The following ANKRD60 variants were observed in gnomAD, a reference collection of about 807,000 sequenced individuals.
The protein encoded by ANKRD60 is ankyrin repeat domain 60, also known as ankyrin repeat domain-containing protein 60.
Under a neutral mutation model 21.3 loss-of-function variants are expected in ANKRD60, and 24 were observed. The observed-to-expected ratio is 1.13, with a 90% CI of 0.82 to 1.59. The LOEUF (loss-of-function observed/expected upper bound fraction) is 1.59. ANKRD60 is among the 40% of genes most tolerant of loss of function. The probability of loss-of-function intolerance (pLI) is 0.00; values close to 1 mark genes in which losing one functional copy is unlikely to be tolerated. For synonymous variants in ANKRD60, 182 were observed against 199.4 expected (o/e 0.91, Z 0.74); for missense variants, 490 against 466.7 (o/e 1.05, Z -0.46).
At chr20:58,221,252 A>C (rs1288312208) in intron 3 of ANKRD60, 86 bp downstream of exon 3, 5 of 1,391,906 alleles carry the variant, frequency 3.6e-6, no homozygotes, top group Admixed American at 4.8e-5. Context: ...CCACTGCTGG[A>C]AGGACTGGGA....
At chr20:58,221,469 T>G in exon 3 of ANKRD60, 1 of 1,551,928 alleles carries the variant, frequency 6.4e-7, no homozygotes, top group Non-Finnish European at 8.7e-7. Flanking sequence ...TGCGGTTCGG[T>G]AGAAGGAATC....
downstream of ANKRD60, among the ~76,000 whole-genome samples, chr20:58,216,679 C>T (rs1265183805): frequency 6.6e-6 from 1 of 152,226 alleles, no homozygotes; most frequent in African/African-American, 2.4e-5. Flanking sequence ...GAGTGTAAAA[C>T]CACATCATCA....
At chr20:58,224,606 A>C (rs1303698074) in intron 1 of ANKRD60, among the ~76,000 whole-genome samples, 1 of 152,236 alleles carries the variant, frequency 6.6e-6, no homozygotes, top group Non-Finnish European at 1.5e-5. Context: ...AGGATGGTAG[A>C]TGTCAAGAGG....
chr20:58,223,166 G>C (rs1364062468), exon 2 of ANKRD60: 2 of 1,546,650 alleles, frequency 1.3e-6, no homozygotes, highest in Non-Finnish European at 1.7e-6. Flanking sequence ...TCAGGGTAGT[G>C]TCATCCATCA....
chr20:58,218,396 C>A (rs376374650), downstream of ANKRD60: 11 of 1,178,256 alleles, frequency 9.3e-6, no homozygotes, highest in East Asian at 2.1e-4. Flanking sequence ...GGTTAATTGC[C>A]CTGTTTTCCT....
At chr20:58,218,845 AG>A (rs1411276863) in intron 3 of ANKRD60, 40 bp from the exon 4 acceptor site, 1 of 1,489,986 alleles carries the variant, frequency 6.7e-7, no homozygotes, top group South Asian at 1.3e-5. Flanking sequence ...AGACATGCGG[AG>A]GGGGAACACA....
chr20:58,223,190 G>C lies in ANKRD60; in HGVS notation c.431-8C>G. On this transcript the variant is annotated splice_region_variant and splice_polypyrimidine_tract_variant and intron_variant, in intron 1 of 3. Transcript: ENST00000457363. ...TGTCATCCATCAAAACTCCTGCAGG[G>C]AAAAATTTTTTTTCTTTTAAAAAAT... 1.3e-6 allele frequency: 2 copies of C among 1,529,670 alleles called. No individual in the cohort carries two copies. Among genetic ancestry groups the C allele is most frequent in the Non-Finnish European group, 1.8e-6 (2 of 1,139,020 alleles). The allele number at this position is 1,529,670 out of a possible 1,614,324, so 94.8% of individuals were successfully genotyped here.
At chr20:58,221,297 A>G in intron 3 of ANKRD60, 41 bp downstream of exon 3, 1 of 1,536,052 alleles carries the variant, frequency 6.5e-7, no homozygotes, top group African/African-American at 1.4e-5. Flanking sequence ...CCTGCAAAAA[A>G]TCCCAACTCA....
Position 58,228,347 on chromosome 20 carries a change from TCTC to T in ANKRD60, c.304_306del (p.Glu102del). 6.4e-7 allele frequency: 1 copy of T among 1,550,556 alleles called. No homozygotes were observed. The highest frequency in any genetic ancestry group is 8.7e-7 in the Non-Finnish European group (1 of 1,146,868). On this transcript the variant is annotated inframe_deletion, in exon 1 of 4. Transcript: ENST00000457363. The surrounding 1 kb of genome is among the most constrained non-coding windows in gnomAD (Gnocchi z 5.3). ...TTTGCCACTCGGAACATCTCCCCCG[TCTC>T]CTCCAGCCGCACCCGCAGGACGAAG...
chr20:58,225,697 G>T (rs1483537151), intron 1 of ANKRD60, among the ~76,000 whole-genome samples: 2 of 152,170 alleles, frequency 1.3e-5, no homozygotes, highest in Admixed American at 6.5e-5. Context: ...TGTCTCCATC[G>T]CTCCCCAGCC....
Position 58,228,478 on chromosome 20 carries a change from C to T in ANKRD60, c.176G>A (p.Arg59Gln). 6.6e-7 allele frequency: 1 copy of T among 1,509,324 alleles called. No individual in the cohort carries two copies. The allele number at this position is 1,509,324 out of a possible 1,614,324, so 93.5% of individuals were successfully genotyped here. ...GGCCAGGGGCTGCGCGGGGAGGGCCCGCGAGTCCGCCGAGCCCACCCTGGG... is the reference window on the plus strand; with the variant it reads ...GGCCAGGGGCTGCGCGGGGAGGGCCTGCGAGTCCGCCGAGCCCACCCTGGG... The change falls in exon 1 of 4, where the codon CGG becomes CAG. Residue 59 changes from arginine (R) to glutamine (Q), a missense_variant. Physicochemically the swap from Arg to Gln is conservative, Grantham distance 43. Coordinates refer to ENST00000457363, the Ensembl canonical transcript of ANKRD60. The surrounding 1 kb of genome is among the most constrained non-coding windows in gnomAD (Gnocchi z 5.3).
Position 58,228,383 on chromosome 20 carries a change from G to C in ANKRD60, c.271C>G (p.Pro91Ala). The C allele has an allele frequency of 6.5e-7, 1 of 1,548,160 alleles. No homozygotes were observed. Among genetic ancestry groups the C allele is most frequent in the Non-Finnish European group, 8.7e-7 (1 of 1,146,798 alleles). Residue 91 changes from proline (P) to alanine (A), a missense_variant, in exon 1 of 4, where the codon CCT becomes GCT. Physicochemically the swap from Pro to Ala is conservative, Grantham distance 27 (BLOSUM62 -1). Coordinates refer to ENST00000457363, the Ensembl canonical transcript of ANKRD60. This position sits in a 1 kb window ranked among gnomAD's most constrained non-coding sequence, Gnocchi z 5.3. The stretch of plus-strand genomic sequence containing the variant: ...CGCACCCGCAGGACGAAGACGTCAG[G>C]GGCCAAGTCGGGCAAGGCACTCGCG...
At chr20:58,220,978 G>A (rs6099997) in intron 3 of ANKRD60, among the ~76,000 whole-genome samples, 66,285 of 151,886 alleles carry the variant, frequency 0.44, 15,510 homozygotes, top group Admixed American at 0.52. Context: ...AATTTCATGC[G>A]AGGCTGGAAA....
chr20:58,228,620 C>CCCGCCGCCCG lies in ANKRD60; in HGVS notation c.33_34insCGGGCGGCGG (p.Ala12ArgfsTer71), dbSNP rs564097797. 1 of 1,015,114 alleles carries CCCGCCGCCCG rather than the reference C, an allele frequency of 9.9e-7. No homozygotes were observed. The highest frequency in any genetic ancestry group is 1.2e-6 in the Non-Finnish European group (1 of 844,572). The allele number at this position is 1,015,114 out of a possible 1,614,324, so 62.9% of individuals were successfully genotyped here. A position where few individuals can be genotyped will look rare whatever the true frequency, so the allele number is the denominator to read the frequency against. Reference sequence around the variant, plus strand: ...CGCGCTCCGCCCGCCCCCGCCGCCGCCCGCCGCATCCCCCAGGCGCGGCCG... The same window carrying CCCGCCGCCCG: ...CGCGCTCCGCCCGCCCCCGCCGCCGCCCGCCGCCCGCCGCCGCATCCCCCAGGCGCGGCCG... On this transcript the variant is annotated frameshift_variant, in exon 1 of 4. Coordinates refer to ENST00000457363, the Ensembl canonical transcript of ANKRD60. LOFTEE classifies it high-confidence loss of function. The surrounding 1 kb of genome is among the most constrained non-coding windows in gnomAD (Gnocchi z 5.3).
intron 3 of ANKRD60, among the ~76,000 whole-genome samples, chr20:58,221,117 C>T (rs987601728): frequency 5.9e-5 from 9 of 152,124 alleles, no homozygotes; most frequent in African/African-American, 1.7e-4. Flanking sequence ...AGAATCTTCT[C>T]GAGACCTGGT....
intron 1 of ANKRD60, among the ~76,000 whole-genome samples, chr20:58,225,143 A>G (rs1012376983): frequency 6.6e-6 from 1 of 152,194 alleles, no homozygotes; most frequent in Admixed American, 6.5e-5. Flanking sequence ...TCGAGCTTCT[A>G]ACAGTTGCTA....
At chr20:58,226,805 A>T (rs1246813063) in intron 1 of ANKRD60, among the ~76,000 whole-genome samples, 1 of 151,964 alleles carries the variant, frequency 6.6e-6, no homozygotes, top group Admixed American at 6.6e-5. Flanking sequence ...ATGTGAGCAG[A>T]GTTAGCTTTG....
At chr20:58,218,887 C>A in intron 3 of ANKRD60, 82 bp from the exon 4 acceptor site, 2 of 1,347,924 alleles carry the variant, frequency 1.5e-6, no homozygotes, top group South Asian at 1.5e-5. Context: ...AGGGAGTGCT[C>A]CTCAGGGAGG....
intron 2 of ANKRD60, among the ~76,000 whole-genome samples, chr20:58,222,060 G>A (rs1386880760): frequency 6.6e-6 from 1 of 152,190 alleles, no homozygotes; most frequent in Non-Finnish European, 1.5e-5. Flanking sequence ...CCCTGATATG[G>A]GAGTCAGGAC....
Sources: allele counts gnomAD v4.1 joint callset (sites outside exome capture counted in the v4.1 genomes callset), GRCh38; gene constraint gnomAD v4.1.1; non-coding constraint Gnocchi (gnomAD v3.1); transcripts MANE v1.5; gene names NCBI Gene and HGNC (gene_info 2026-07-23, HGNC 2026-07-21).